Variants in TMEM106B observed in about 807,000 individuals in gnomAD.
TMEM106B encodes transmembrane protein 106B.
TMEM106B carries 15 observed loss-of-function variants against 31.1 expected under a neutral mutation model. The observed-to-expected ratio is 0.48, with a 90% CI of 0.32 to 0.74. The LOEUF (loss-of-function observed/expected upper bound fraction) is 0.74, where lower values mean the gene tolerates loss of function less well. TMEM106B is among the 30% of genes least tolerant of loss of function. TMEM106B has a pLI of 0.03. For synonymous variants in TMEM106B, 126 were observed against 112.5 expected (o/e 1.12, Z -0.76); for missense variants, 283 against 327.3 (o/e 0.86, Z 1.04).
intron 4 of TMEM106B, among the ~76,000 whole-genome samples, chr7:12,228,242 CT>C (rs201723928): frequency 0.011 from 1,706 of 151,634 alleles, 40 homozygotes; most frequent in African/African-American, 0.039. Flanking sequence ...TTCTTTCATC[CT>C]TTTTTTTACT....
intron 2 of TMEM106B, among the ~76,000 whole-genome samples, chr7:12,216,534 C>T (rs1781689913): frequency 6.6e-6 from 1 of 152,070 alleles, no homozygotes; most frequent in African/African-American, 2.4e-5. Flanking sequence ...TTGCAGCGCC[C>T]AGCCTCAAGT....
Position 12,231,855 on chromosome 7 carries a change from A to G in TMEM106B, c.705A>G (p.Thr235=). The change falls in exon 8 of 8, where the codon ACA becomes ACG. Residue 235 remains threonine (T), a synonymous_variant. Transcript: ENST00000396668. ...VLMMQVTVTT[T]YFGHSEQISQ... ...TTTTTAGAGTTACTGTGACAACAAC[A>G]TACTTTGGCCACTCTGAACAGATAT... 1.9e-6 allele frequency: 3 copies of G among 1,601,348 alleles called. No individual in the cohort carries two copies. The highest frequency in any genetic ancestry group is 1.1e-5 in the South Asian group (1 of 89,322).
rs1468542243 is a variant in TMEM106B, at chr7:12,237,203, TG to T, written c.*5229del. 3 of 152,086 alleles carry T rather than the reference TG, an allele frequency of 2.0e-5. No individual in the cohort carries two copies. The highest frequency in any genetic ancestry group is 4.4e-5 in the Non-Finnish European group (3 of 67,996). 9.4% of individuals were successfully genotyped at this position (152,086 alleles called of 1,614,324 possible). A position where few individuals can be genotyped will look rare whatever the true frequency, so the allele number is the denominator to read the frequency against. On this transcript the variant is annotated 3_prime_UTR_variant, in exon 8 of 8. Transcript: ENST00000396668. ...TAACTGTTACTCTTGTAGTTGTGTA[TG>T]ACGCAATAAAATTTGTAAAAAAATT...
intron 3 of TMEM106B, among the ~76,000 whole-genome samples, chr7:12,222,294 G>T (rs922734960): frequency 6.6e-6 from 1 of 152,068 alleles, no homozygotes; most frequent in Non-Finnish European, 1.5e-5. Flanking sequence ...AGTTAATTTT[G>T]TAATGGAGAC....
Position 12,241,931 on chromosome 7 carries a change from T to C in TMEM106B, c.*9956T>C, listed in dbSNP as rs1782243476. On this transcript the variant is annotated 3_prime_UTR_variant, in exon 8 of 8. Coordinates refer to ENST00000396668, the MANE Select transcript of TMEM106B (RefSeq NM_001134232.2). ...CATCTGTTGTTTCCTGACTTAATGA[T>C]TGCCATTCTAACTGGCGTGAGATGG... The C allele has an allele frequency of 1.3e-5, 2 of 152,204 alleles. No homozygotes were observed. The allele number at this position is 152,204 out of a possible 1,614,324, so 9.4% of individuals were successfully genotyped here.
At chr7:12,230,220 A>C (rs1562709099) in intron 5 of TMEM106B, 169 bp from the exon 6 acceptor site, 7 of 663,220 alleles carry the variant, frequency 1.1e-5, no homozygotes, top group Non-Finnish European at 1.9e-5. Context: ...TGTCTCAAAA[A>C]AGAAAAAAAA....
intron 2 of TMEM106B, 143 bp downstream of exon 2, chr7:12,215,170 A>T (rs940632971): frequency 6.5e-6 from 4 of 615,782 alleles, no homozygotes; most frequent in Admixed American, 3.4e-5. Flanking sequence ...CCTTCAGTCA[A>T]AAAGATGCAA....
rs185671437 is a variant in TMEM106B, at chr7:12,218,351, A to C, written c.218-107A>C. The C allele has an allele frequency of 1.1e-4, 83 of 787,374 alleles. No homozygotes were observed. In the African/African-American group the frequency reaches 1.4e-3, roughly 13 times the overall value. The allele number at this position is 787,374 out of a possible 1,614,324, so 48.8% of individuals were successfully genotyped here. On this transcript the variant is annotated intron_variant, in intron 2 of 7. Transcript: ENST00000396668. ...CTTAGCAATTTACTAAAGGAAAGAG[A>C]TGAGTGCCAGATGATATTCTGGTCT...
At chr7:12,218,552 T>G (rs779472442) in intron 3 of TMEM106B, 31 bp downstream of exon 3, 1 of 1,566,412 alleles carries the variant, frequency 6.4e-7, no homozygotes, top group South Asian at 1.2e-5. Context: ...GGCAGTGTTT[T>G]ATGTTTTATT....
In TMEM106B at chr7:12,237,855, A is replaced by T. The variant is rs993830356; in HGVS notation, c.*5880A>T. On this transcript the variant is annotated 3_prime_UTR_variant, in exon 8 of 8. Transcript: ENST00000396668. ...CACACACACACACACACACACACAC[A>T]CTATTGCTAAAAAATGTTAACGATC... The T allele has an allele frequency of 6.7e-6, 1 of 148,322 alleles. No individual in the cohort carries two copies. The highest frequency in any genetic ancestry group is 6.7e-5 in the Admixed American group (1 of 14,844). 9.2% of individuals were successfully genotyped at this position (148,322 alleles called of 1,614,324 possible).
intron 1 of TMEM106B, among the ~76,000 whole-genome samples, chr7:12,213,901 A>T (rs1781630512): frequency 6.6e-6 from 1 of 152,196 alleles, no homozygotes; most frequent in Non-Finnish European, 1.5e-5. Flanking sequence ...AGTTCAGGCC[A>T]TGATGAAAAG....
Position 12,211,745 on chromosome 7 carries a change from TAC to T in TMEM106B, c.-3+322_-3+323del, listed in dbSNP as rs372400933. 4.8e-4 allele frequency among the ~76,000 whole-genome samples: 73 copies of T among 152,372 alleles called. No individual in the cohort carries two copies. The South Asian group carries it at 0.015, about 31-fold the overall frequency. ...GTGCCGGGATCTTATTTTGCAGCTT[TAC>T]AGAGTAGGCTTTGTGCTAGGTGTTG... is the stretch of plus-strand genomic sequence containing the variant. On this transcript the variant is annotated intron_variant, in intron 1 of 7. Transcript: ENST00000396668.
chr7:12,241,110 A>G lies in TMEM106B; in HGVS notation c.*9135A>G, dbSNP rs1398835675. On this transcript the variant is annotated 3_prime_UTR_variant, in exon 8 of 8. Coordinates refer to ENST00000396668, the MANE Select transcript of TMEM106B (RefSeq NM_001134232.2). ...CAAAGGGAATCCTTAAAAATGATATATTGGAAACCACTGATTTCTTATTTT... is the reference window on the plus strand; with the variant it reads ...CAAAGGGAATCCTTAAAAATGATATGTTGGAAACCACTGATTTCTTATTTT... 2 of 152,164 alleles carry G rather than the reference A, an allele frequency of 1.3e-5. No individual in the cohort carries two copies. Among genetic ancestry groups the G allele is most frequent in the Non-Finnish European group, 2.9e-5 (2 of 68,020 alleles). The allele number at this position is 152,164 out of a possible 1,614,324, so 9.4% of individuals were successfully genotyped here. A position where few individuals can be genotyped will look rare whatever the true frequency, so the allele number is the denominator to read the frequency against.
chr7:12,231,099 A>G lies in TMEM106B; in HGVS notation c.670A>G (p.Ile224Val), dbSNP rs757934804. The change falls in exon 7 of 8, where the codon ATA becomes GTA. Residue 224 changes from isoleucine (I) to valine (V), a missense_variant. This residue lies in a region of TMEM106B where 201 missense variants were observed against 211.5 expected (regional missense o/e 0.95). Coordinates refer to ENST00000396668, the MANE Select transcript of TMEM106B (RefSeq NM_001134232.2). ...TCTGATATCCATCAAAGTGCATAAC[A>G]TAGTACTCATGATGCAGTAAGTACA... Reference protein sequence around the residue: ...CTLISIKVHNIVLMMQVTVTT... With the variant: ...CTLISIKVHNVVLMMQVTVTT... 12 of 1,602,896 alleles carry G rather than the reference A, an allele frequency of 7.5e-6. No homozygotes were observed. In the South Asian group the frequency reaches 1.2e-4, roughly 16 times the overall value.
In TMEM106B at chr7:12,233,197, T is replaced by C. The variant is rs187543162; in HGVS notation, c.*1222T>C. 5 of 151,562 alleles carry C rather than the reference T, an allele frequency of 3.3e-5. No homozygotes were observed. The highest frequency in any genetic ancestry group is 9.6e-5 in the African/African-American group (4 of 41,462). 9.4% of individuals were successfully genotyped at this position (151,562 alleles called of 1,614,324 possible). ...TTTTCAAATATAGATTATTGACTTA[T>C]TCAACTTTGCTGTTTTATATTTTCA... On this transcript the variant is annotated 3_prime_UTR_variant, in exon 8 of 8. Coordinates refer to ENST00000396668, the MANE Select transcript of TMEM106B (RefSeq NM_001134232.2).
Position 12,235,494 on chromosome 7 carries a change from G to A in TMEM106B, c.*3519G>A, listed in dbSNP as rs1048487786. 1 of 151,744 alleles carries A rather than the reference G, an allele frequency of 6.6e-6. No homozygotes were observed. The highest frequency in any genetic ancestry group is 2.4e-5 in the African/African-American group (1 of 41,370). 9.4% of individuals were successfully genotyped at this position (151,744 alleles called of 1,614,324 possible). A position where few individuals can be genotyped will look rare whatever the true frequency, so the allele number is the denominator to read the frequency against. ...TTCAGATTGTCTGATTTACAGTTTG[G>A]AAAGGACACCGCAATGTTCAAATAG... On this transcript the variant is annotated 3_prime_UTR_variant, in exon 8 of 8. Transcript: ENST00000396668.
Position 12,241,250 on chromosome 7 carries a change from AC to A in TMEM106B, c.*9276del, listed in dbSNP as rs947602670. The A allele has an allele frequency of 1.3e-5, 2 of 151,926 alleles. No homozygotes were observed. The highest frequency in any genetic ancestry group is 2.4e-5 in the African/African-American group (1 of 41,390). The allele number at this position is 151,926 out of a possible 1,614,324, so 9.4% of individuals were successfully genotyped here. On this transcript the variant is annotated 3_prime_UTR_variant, in exon 8 of 8. Transcript: ENST00000396668. The stretch of plus-strand genomic sequence containing the variant: ...ATCCCAAATCTATTTCAGACACCTA[AC>A]TTTTTTTTTATTTTTTATACTTTAA...
chr7:12,239,080 T>A lies in TMEM106B; in HGVS notation c.*7105T>A, dbSNP rs963312971. 4 of 152,214 alleles carry A rather than the reference T, an allele frequency of 2.6e-5. No homozygotes were observed. The highest frequency in any genetic ancestry group is 9.6e-5 in the African/African-American group (4 of 41,470). 9.4% of individuals were successfully genotyped at this position (152,214 alleles called of 1,614,324 possible). Reference sequence around the variant, plus strand: ...TTTATCTACATTGAAAATATATTGTTCATTGTAACCACTTTCATCAATGAT... The same window carrying A: ...TTTATCTACATTGAAAATATATTGTACATTGTAACCACTTTCATCAATGAT... On this transcript the variant is annotated 3_prime_UTR_variant, in exon 8 of 8. Transcript: ENST00000396668.
intron 6 of TMEM106B, 123 bp from the exon 7 acceptor site, chr7:12,230,939 A>AT (rs3214372): frequency 0.45 from 276,756 of 616,912 alleles, 65,896 homozygotes; most frequent in African/African-American, 0.66. Context: ...AGTATAGAAA[A>AT]TTCTCAACCA....
Sources: gnomAD v4.1 joint callset for allele counts (sites outside exome capture counted in the v4.1 genomes callset) on GRCh38, gnomAD v4.1.1 for gene constraint, gnomAD v4.1.1 regional missense constraint, MANE v1.5 for transcripts, NCBI Gene and HGNC (gene_info 2026-07-23, HGNC 2026-07-21) for gene names.